The following STOX2 variants were observed in gnomAD, a reference collection of about 807,000 sequenced individuals.
STOX2 encodes storkhead-box protein 2.
A neutral mutation model predicts 60.9 loss-of-function variants in STOX2; 28 were observed. That is an observed-to-expected ratio of 0.46 (90% CI 0.34 to 0.63). STOX2 has a LOEUF of 0.63. STOX2 is among the 30% of genes least tolerant of loss of function. The probability of loss-of-function intolerance (pLI) is 0.01; values close to 1 mark genes in which losing one functional copy is unlikely to be tolerated. For missense variants in STOX2, 1,024 were observed against 1,187.7 expected (o/e 0.86, Z 2.03); for synonymous variants, 472 against 463.9 (o/e 1.02, Z -0.22).
intron 1 of STOX2, among the ~76,000 whole-genome samples, chr4:183,929,958 G>A (rs546173708): frequency 9.9e-5 from 15 of 151,364 alleles, no homozygotes; most frequent in African/African-American, 3.6e-4. Context: ...CCGCCTCCCG[G>A]GTTCACGCCA....
At chr4:183,841,727 T>A (rs1235680915) in intron 1 of STOX2, among the ~76,000 whole-genome samples, 1 of 152,200 alleles carries the variant, frequency 6.6e-6, no homozygotes, top group African/African-American at 2.4e-5. Context: ...CCAAAATACA[T>A]GCCAGATGAT....
intron 1 of STOX2, among the ~76,000 whole-genome samples, chr4:183,983,716 G>T (rs1732737277): frequency 6.6e-6 from 1 of 152,194 alleles, no homozygotes; most frequent in African/African-American, 2.4e-5. Flanking sequence ...AGCAAATGCT[G>T]AGTGAAACTC....
chr4:184,015,116 A>G (rs1348171125), intron 3 of STOX2: 1 of 152,214 alleles, frequency 6.6e-6, no homozygotes, highest in East Asian at 1.9e-4. Context: ...TCTTCTTCAC[A>G]GTCACCCTAG....
chr4:183,820,936 A>G (rs1739290442), intron 1 of STOX2, among the ~76,000 whole-genome samples: 1 of 148,456 alleles, frequency 6.7e-6, no homozygotes, highest in African/African-American at 2.6e-5. Context: ...CCCCGTCTCT[A>G]CAAAAAAAAA....
chr4:183,931,407 G>A (rs1742418790), intron 1 of STOX2, among the ~76,000 whole-genome samples: 1 of 152,156 alleles, frequency 6.6e-6, no homozygotes, highest in African/African-American at 2.4e-5. Flanking sequence ...CTGGGCGACA[G>A]AGTAAGACTT....
chr4:183,914,516 A>G (rs1487426320), intron 1 of STOX2, among the ~76,000 whole-genome samples: 2 of 152,242 alleles, frequency 1.3e-5, no homozygotes, highest in African/African-American at 4.8e-5. Context: ...AATGACCAGG[A>G]ACCTGCAGAA....
intron 1 of STOX2, among the ~76,000 whole-genome samples, chr4:183,810,837 C>T (rs1320529125): frequency 6.6e-6 from 1 of 152,044 alleles, no homozygotes; most frequent in African/African-American, 2.4e-5. Context: ...GCCAGATATA[C>T]TTCTGTTGTT....
At chr4:183,832,065 C>T (rs1739582135) in intron 1 of STOX2, among the ~76,000 whole-genome samples, 1 of 151,264 alleles carries the variant, frequency 6.6e-6, no homozygotes, top group Admixed American at 6.6e-5. Flanking sequence ...TCTTGGCTCA[C>T]TGCAACCTCT....
chr4:183,889,201 G>GGTA (rs975983085), intron 1 of STOX2, among the ~76,000 whole-genome samples: 29 of 152,084 alleles, frequency 1.9e-4, no homozygotes, highest in African/African-American at 7.0e-4. Context: ...TTGGAAATAG[G>GGTA]GTAGTTGGCG....
rs552802515 is a variant in STOX2 at position 183,818,645 on chromosome 4, G to C, written c.364+20590G>C. On this transcript the variant is annotated intron_variant, in intron 1 of 2. Coordinates refer to the STOX2 transcript ENST00000513034. ...CAGACGGGGTGGCGGCCGGGCAGAG[G>C]GGCCCCTCACTTCCCAGAAGGGGCG... is the stretch of plus-strand genomic sequence containing the variant. Among the ~76,000 whole-genome samples, 355 of 152,164 alleles carry C rather than the reference G, an allele frequency of 2.3e-3. 2 individuals carry two copies. The highest frequency in any genetic ancestry group is 8.4e-3 in the African/African-American group (348 of 41,516).
rs756839528 is a variant in STOX2, at chr4:183,876,368, G to C, written c.364+78313G>C. On this transcript the variant is annotated intron_variant, in intron 1 of 2. Coordinates refer to the STOX2 transcript ENST00000513034. ...CGGGAGGCCTGGGCTCCTTTCCTTT[G>C]GGGGAGATGCCAGCTTTGGCTCAGC... Among the ~76,000 whole-genome samples, 173 of 152,290 alleles carry C rather than the reference G, an allele frequency of 1.1e-3. 1 individual carries two copies. The highest frequency in any genetic ancestry group is 1.4e-3 in the Non-Finnish European group (97 of 68,016).
At chr4:183,924,946 T>A (rs1306134065) in intron 1 of STOX2, among the ~76,000 whole-genome samples, 1 of 152,082 alleles carries the variant, frequency 6.6e-6, no homozygotes, top group Non-Finnish European at 1.5e-5. Flanking sequence ...ATACCGTGAA[T>A]TTGTGGTGGC....
intron 1 of STOX2, among the ~76,000 whole-genome samples, chr4:183,929,871 T>C (rs1742363080): frequency 6.6e-6 from 1 of 151,250 alleles, no homozygotes; most frequent in Non-Finnish European, 1.5e-5. Flanking sequence ...ACTTTTTTCT[T>C]CTTCTTCTTT....
At chr4:183,800,273 A>T (rs966886889) in intron 1 of STOX2, among the ~76,000 whole-genome samples, 1 of 151,972 alleles carries the variant, frequency 6.6e-6, no homozygotes, top group Non-Finnish European at 1.5e-5. Flanking sequence ...ACAACCTTTT[A>T]TTCTGAGTCA....
At chr4:183,826,735 C>T (rs1739443697) in intron 1 of STOX2, among the ~76,000 whole-genome samples, 1 of 152,236 alleles carries the variant, frequency 6.6e-6, no homozygotes, top group Non-Finnish European at 1.5e-5. Context: ...ACAGTGTCCA[C>T]TACATAGAAT....
intron 1 of STOX2, among the ~76,000 whole-genome samples, chr4:183,968,146 T>G (rs73008324): frequency 0.043 from 6,518 of 152,220 alleles, 467 homozygotes; most frequent in African/African-American, 0.15. Flanking sequence ...CCTCCCATCT[T>G]TCTGAAATCT....
rs1171992971 is a variant in STOX2 at position 184,018,351 on chromosome 4, GT to G, written c.*1068del. On this transcript the variant is annotated 3_prime_UTR_variant, in exon 4 of 4. Transcript: ENST00000308497. The stretch of plus-strand genomic sequence containing the variant: ...ATTAGGCTGTGGGAGATAATTTTTA[GT>G]GGTTGTAGGAAAGAGCAAATTTAGG... The G allele has an allele frequency of 2.6e-5, 4 of 152,154 alleles. No homozygotes were observed. 9.4% of individuals were successfully genotyped at this position (152,154 alleles called of 1,614,324 possible).
chr4:183,964,313 A>G (rs1018546961), intron 1 of STOX2, among the ~76,000 whole-genome samples: 1 of 152,298 alleles, frequency 6.6e-6, no homozygotes, highest in East Asian at 1.9e-4. Flanking sequence ...CACTTCCCCT[A>G]TGGTGCATTT....
chr4:183,838,654 A>G (rs1457909905), intron 1 of STOX2, among the ~76,000 whole-genome samples: 1 of 152,256 alleles, frequency 6.6e-6, no homozygotes, highest in Admixed American at 6.5e-5. Context: ...ATGTCCTTAA[A>G]GCAGCACAGT....
Sources: gnomAD v4.1 joint callset for allele counts (sites outside exome capture counted in the v4.1 genomes callset) on GRCh38, gnomAD v4.1.1 for gene constraint, MANE v1.5 for transcripts, NCBI Gene and HGNC (gene_info 2026-07-23, HGNC 2026-07-21) for gene names.